ATG7: variants seen among roughly 807,000 people sequenced by gnomAD.
ATG7 encodes the protein ubiquitin-like modifier-activating enzyme ATG7.
A neutral mutation model predicts 82.4 loss-of-function variants in ATG7; 70 were observed. That is an observed-to-expected ratio of 0.85 (90% CI 0.70 to 1.04). ATG7 has a LOEUF of 1.04. Among genes scored for constraint, ATG7 ranks in the 50% least tolerant of loss-of-function variants. ATG7 has a pLI of 0.00. For synonymous variants in ATG7, 287 were observed against 313.0 expected, an observed-to-expected ratio of 0.92 and a Z score of 0.88; for missense variants, 792 against 864.3, an observed-to-expected ratio of 0.92 and a Z score of 1.05.
intron 18 of ATG7, among the ~76,000 whole-genome samples, chr3:11,376,027 A>T (rs2077391408): frequency 6.6e-6 from 1 of 152,270 alleles, no homozygotes; most frequent in Admixed American, 6.5e-5. Context: ...ATTGAATATT[A>T]TTTGGCAGTA....
chr3:11,559,356 C>A, downstream of ATG7: 1 of 1,549,430 alleles, frequency 6.5e-7, no homozygotes, highest in South Asian at 1.2e-5. Context: ...CGGTAGCTGG[C>A]AGGCCCGGGC....
the ATG7 span, chr3:11,564,781 CCAGA>C: frequency 8.4e-6 from 13 of 1,541,304 alleles, no homozygotes; most frequent in African/African-American, 5.5e-5. Flanking sequence ...CGCCACCCTC[CCAGA>C]CAGAGGCCCA....
chr3:11,446,614 A>C (rs2084581888), intron 20 of ATG7: 5 of 363,074 alleles, frequency 1.4e-5, no homozygotes, highest in South Asian at 1.0e-4. Flanking sequence ...GGCACATGAT[A>C]CATCATGGTA....
chr3:11,568,604 C>G, the ATG7 span: 1 of 1,567,524 alleles, frequency 6.4e-7, no homozygotes, highest in South Asian at 1.2e-5. The surrounding 1 kb of genome is among the most constrained non-coding windows in gnomAD (Gnocchi z 5.9). Flanking sequence ...ACATTACTCA[C>G]ATTTCCAGCT....
chr3:11,521,327 A>G (rs2092435801), intron 20 of ATG7, among the ~76,000 whole-genome samples: 1 of 152,194 alleles, frequency 6.6e-6, no homozygotes, highest in South Asian at 2.1e-4. Flanking sequence ...GGCACAGGAA[A>G]GGGTGGCTAA....
chr3:11,348,129 A>G (rs1218908788), intron 14 of ATG7, 94 bp downstream of exon 14: 7 of 1,469,280 alleles, frequency 4.8e-6, no homozygotes, highest in African/African-American at 1.4e-5. Flanking sequence ...AGAGAGTCAG[A>G]TATCTGTCAC....
chr3:11,278,558 A>C (rs1446161058), intron 1 of ATG7, among the ~76,000 whole-genome samples: 1 of 152,226 alleles, frequency 6.6e-6, no homozygotes, highest in East Asian at 1.9e-4. Context: ...TTTATTGGGC[A>C]CCTGTGAGGT....
At chr3:11,495,711 C>G (rs2090774204) in intron 20 of ATG7, among the ~76,000 whole-genome samples, 1 of 152,196 alleles carries the variant, frequency 6.6e-6, no homozygotes, top group Admixed American at 6.5e-5. Flanking sequence ...GACTGATGGC[C>G]ATCATTCTAA....
At chr3:11,365,723 A>G (rs1482839892) in intron 18 of ATG7, among the ~76,000 whole-genome samples, 2 of 152,160 alleles carry the variant, frequency 1.3e-5, no homozygotes, top group African/African-American at 4.8e-5. Flanking sequence ...TGTCATATTC[A>G]GTTTAGGATG....
intron 18 of ATG7, among the ~76,000 whole-genome samples, chr3:11,376,791 T>C (rs2152840446): frequency 6.6e-6 from 1 of 152,302 alleles, no homozygotes. Context: ...CAGGCTGGAG[T>C]GCAGTGGCAC....
intron 13 of ATG7, among the ~76,000 whole-genome samples, chr3:11,342,696 A>G (rs1285592851): frequency 6.6e-6 from 1 of 152,078 alleles, no homozygotes; most frequent in Non-Finnish European, 1.5e-5. Flanking sequence ...CTGTGTTTCC[A>G]TAGTATGTAT....
At chr3:11,317,796 T>C (rs1392042977) in intron 9 of ATG7, among the ~76,000 whole-genome samples, 4 of 152,118 alleles carry the variant, frequency 2.6e-5, no homozygotes, top group Non-Finnish European at 4.4e-5. Context: ...TTTCACCATA[T>C]TGGCCAGGCT....
At chr3:11,340,584 T>G in intron 11 of ATG7, 61 bp from the exon 12 acceptor site, 1 of 1,459,602 alleles carries the variant, frequency 6.9e-7, no homozygotes, top group Non-Finnish European at 9.5e-7. Context: ...AGGTCGTTGC[T>G]TGATCTGCTT....
At chr3:11,407,625 A>G (rs2080474153) in intron 19 of ATG7, among the ~76,000 whole-genome samples, 1 of 152,178 alleles carries the variant, frequency 6.6e-6, no homozygotes, top group South Asian at 2.1e-4. Context: ...GTTTCCATAC[A>G]TCTTCTGAAA....
intron 20 of ATG7, among the ~76,000 whole-genome samples, chr3:11,541,051 C>G (rs907243509): frequency 2.6e-5 from 4 of 152,022 alleles, no homozygotes; most frequent in African/African-American, 9.7e-5. Context: ...AGGTGCCCAC[C>G]ACCACACCTG....
intron 20 of ATG7, among the ~76,000 whole-genome samples, chr3:11,459,676 A>T (rs1036540612): frequency 1.3e-5 from 2 of 152,176 alleles, no homozygotes; most frequent in Non-Finnish European, 2.9e-5. Flanking sequence ...AAAAGGAAAT[A>T]TACTGGCACA....
intron 19 of ATG7, among the ~76,000 whole-genome samples, chr3:11,417,816 T>TTATTA (rs1491371791): frequency 2.1e-5 from 1 of 48,156 alleles, no homozygotes; most frequent in African/African-American, 5.8e-5. Context: ...TTTTATTTTA[T>TTATTA]TTTTTTTTTT....
intron 20 of ATG7, among the ~76,000 whole-genome samples, chr3:11,498,639 C>G (rs1428295166): frequency 6.6e-6 from 1 of 152,212 alleles, no homozygotes. Context: ...ACCTGCTGGC[C>G]AGACTGGTGA....
Position 11,557,164 on chromosome 3 carries a change from G to A in ATG7, c.*2321G>A, listed in dbSNP as rs2072511037. ...AGAAACGCTCATTGACCAAAAAGGA[G>A]CAGCTGTGACCTCCACAGCTGTGTC... On this transcript the variant is annotated 3_prime_UTR_variant, in exon 21 of 21. Coordinates refer to ENST00000693202, the MANE Select transcript of ATG7 (RefSeq NM_001349232.2). The A allele has an allele frequency of 6.5e-6, 1 of 152,710 alleles. No homozygotes were observed. The highest frequency in any genetic ancestry group is 6.5e-5 in the Admixed American group (1 of 15,274). The allele number at this position is 152,710 out of a possible 1,614,324, so 9.5% of individuals were successfully genotyped here.
Sources: gnomAD v4.1 joint callset for allele counts (sites outside exome capture counted in the v4.1 genomes callset) on GRCh38, gnomAD v4.1.1 for gene constraint, Gnocchi (gnomAD v3.1) non-coding constraint, MANE v1.5 for transcripts, NCBI Gene and HGNC (gene_info 2026-07-23, HGNC 2026-07-21) for gene names.